ZSCAN25: variants seen among roughly 807,000 people sequenced by gnomAD.
ZSCAN25 encodes zinc finger and SCAN domain containing 25, also known as zinc finger and SCAN domain-containing protein 25.
Under a neutral mutation model 38.7 loss-of-function variants are expected in ZSCAN25, and 27 were observed. The observed-to-expected ratio is 0.70, with a 90% CI of 0.51 to 0.96. ZSCAN25 has a LOEUF of 0.96. Among genes scored for constraint, ZSCAN25 ranks in the 40% least tolerant of loss-of-function variants. ZSCAN25 has a pLI of 0.00. For synonymous variants in ZSCAN25, 273 were observed against 277.7 expected (o/e 0.98, Z 0.17); for missense variants, 637 against 705.9 (o/e 0.90, Z 1.11).
Position 99,619,113 on chromosome 7 carries a change from A to G in ZSCAN25, c.-66A>G, listed in dbSNP as rs906433908. ...TTTGACTTTTTCTGTCTGCTGTACC[A>G]GCATATGAGTTTCAGGAGGGTAAGC... On this transcript the variant is annotated 5_prime_UTR_variant, in exon 3 of 8. Transcript: ENST00000394152. 1 of 153,010 alleles carries G rather than the reference A, an allele frequency of 6.5e-6. No individual in the cohort carries two copies. The highest frequency in any genetic ancestry group is 2.4e-5 in the African/African-American group (1 of 41,436). The allele number at this position is 153,010 out of a possible 1,614,324, so 9.5% of individuals were successfully genotyped here.
At chr7:99,722,255 T>C in the ZSCAN25 span, 5 of 1,612,422 alleles carry the variant, frequency 3.1e-6, no homozygotes, top group East Asian at 1.1e-4. Flanking sequence ...AAACTCATCA[T>C]AGAAACAAGT....
chr7:99,624,143 G>C lies in ZSCAN25; in HGVS notation c.768G>C (p.Gly256=). 1 of 1,613,990 alleles carries C rather than the reference G, an allele frequency of 6.2e-7. No homozygotes were observed. Among genetic ancestry groups the C allele is most frequent in the Non-Finnish European group, 8.5e-7 (1 of 1,179,970 alleles). ...HVTPAQIDCF[G]EYVEPQDCRV... ...CCCCAGCCCAGATAGACTGCTTTGG[G>C]GAGTATGTGGAACCGCAGGACTGCA... is the stretch of plus-strand genomic sequence containing the variant. Residue 256 remains glycine (G), a synonymous_variant, in exon 7 of 8, where the codon GGG becomes GGC. Transcript: ENST00000394152.
the ZSCAN25 span, among the ~76,000 whole-genome samples, chr7:99,688,003 A>C: frequency 6.6e-6 from 1 of 152,162 alleles, no homozygotes; most frequent in Non-Finnish European, 1.5e-5. Flanking sequence ...GCCTGCCCTA[A>C]AAGAGCTCCT....
At position 99,617,842 on chromosome 7, in the gene ZSCAN25, C is replaced by T. The variant is rs183571749; in HGVS notation, c.-258-683C>T. 1.9e-3 allele frequency among the ~76,000 whole-genome samples: 295 copies of T among 152,316 alleles called. 1 individual carries two copies. The highest frequency in any genetic ancestry group is 3.5e-3 in the Non-Finnish European group (235 of 68,014). On this transcript the variant is annotated intron_variant, in intron 1 of 7. Transcript: ENST00000394152. Reference sequence around the variant, plus strand: ...GCAGAGATAAAAGATGAATGAGGATCTTTCTTGCCTCCAGGGAATCTGTTA... The same window carrying T: ...GCAGAGATAAAAGATGAATGAGGATTTTTCTTGCCTCCAGGGAATCTGTTA...
the ZSCAN25 span, among the ~76,000 whole-genome samples, chr7:99,734,603 ATCTTTTTTTT>A: frequency 4.0e-5 from 6 of 151,150 alleles, no homozygotes; most frequent in Non-Finnish European, 7.4e-5. Context: ...CTCCTTGAAA[ATCTTTTTTTT>A]TCTTTTTTTT....
the ZSCAN25 span, chr7:99,660,802 C>T: frequency 9.3e-6 from 9 of 970,572 alleles, no homozygotes; most frequent in Non-Finnish European, 1.4e-5. Context: ...GGTTTTCATT[C>T]TGATATGTAT....
the ZSCAN25 span, among the ~76,000 whole-genome samples, chr7:99,661,689 G>A: frequency 6.6e-6 from 1 of 152,218 alleles, no homozygotes; most frequent in Admixed American, 6.5e-5. Flanking sequence ...ATGAGTGTGA[G>A]AAAGGTCTAC....
the ZSCAN25 span, chr7:99,672,899 C>A: frequency 7.4e-7 from 1 of 1,350,542 alleles, no homozygotes; most frequent in South Asian, 1.9e-5. Flanking sequence ...TAATGTGGTC[C>A]AAACAGGGAA....
the ZSCAN25 span, among the ~76,000 whole-genome samples, chr7:99,696,552 T>C: frequency 6.6e-6 from 1 of 152,204 alleles, no homozygotes; most frequent in Admixed American, 6.5e-5. Context: ...CCAGATGATC[T>C]GGTTGATTTG....
In ZSCAN25 at chr7:99,629,495, C is replaced by T. The variant is rs367863945; in HGVS notation, c.1110C>T (p.His370=). 5.0e-5 allele frequency: 80 copies of T among 1,614,072 alleles called. No homozygotes were observed. Among genetic ancestry groups the T allele is most frequent in the Admixed American group, 2.2e-4 (13 of 60,006 alleles). The change falls in exon 8 of 8, where the codon CAC becomes CAT. Residue 370 remains histidine (H), a synonymous_variant. Transcript: ENST00000394152. This position sits in a 1 kb window ranked among gnomAD's most constrained non-coding sequence, Gnocchi z 5.6. ...ATCTCGTCAGGCACCAGCGAACCCA[C>T]GAAGAGAAGTCTTATGGCTGTGTGG... ...SSNLVRHQRT[H]EEKSYGCVEC...
rs866138940 is a variant in ZSCAN25, at chr7:99,621,605, G to A, written c.589+31G>A. ...TAAGACGCAGATAGTGGGGATGTCA[G>A]GTCATAGGAAACAGTGCTGTGCAGC... is the stretch of plus-strand genomic sequence containing the variant. On this transcript the variant is annotated intron_variant, in intron 5 of 7. Transcript: ENST00000394152. 1.0e-5 allele frequency: 14 copies of A among 1,340,432 alleles called. No individual in the cohort carries two copies. In the African/African-American group the frequency reaches 1.5e-4, roughly 14 times the overall value. 83.0% of individuals were successfully genotyped at this position (1,340,432 alleles called of 1,614,324 possible).
chr7:99,669,242 C>T, the ZSCAN25 span, among the ~76,000 whole-genome samples: 4 of 152,120 alleles, frequency 2.6e-5, no homozygotes, highest in African/African-American at 9.7e-5. Context: ...GAATTTGTGC[C>T]AGTTTTCAAA....
chr7:99,679,712 C>T, the ZSCAN25 span: 4 of 965,196 alleles, frequency 4.1e-6, no homozygotes, highest in Non-Finnish European at 6.6e-6. Context: ...TCCAACACTT[C>T]AGCTACTTCT....
At chr7:99,710,022 T>G in the ZSCAN25 span, among the ~76,000 whole-genome samples, 1 of 152,134 alleles carries the variant, frequency 6.6e-6, no homozygotes, top group Non-Finnish European at 1.5e-5. Flanking sequence ...TGTCCTCACT[T>G]GCTGAAACAG....
chr7:99,713,359 G>C, the ZSCAN25 span: 1 of 1,514,988 alleles, frequency 6.6e-7, no homozygotes, highest in Non-Finnish European at 9.1e-7. Context: ...GTGTCATTCT[G>C]CTATGTGGCA....
the ZSCAN25 span, among the ~76,000 whole-genome samples, chr7:99,721,602 G>A: frequency 6.6e-6 from 1 of 152,192 alleles, no homozygotes. Flanking sequence ...TTGGAGAAAA[G>A]TGGTAACCAC....
intron 1 of ZSCAN25, chr7:99,618,212 A>G (rs765397985): frequency 6.6e-6 from 1 of 152,218 alleles, no homozygotes; most frequent in Non-Finnish European, 1.5e-5. Flanking sequence ...ACTTGGAGGT[A>G]AATAGGACTC....
intron 6 of ZSCAN25, among the ~76,000 whole-genome samples, chr7:99,623,305 G>T (rs1177006028): frequency 2.6e-5 from 4 of 152,236 alleles, no homozygotes; most frequent in Non-Finnish European, 4.4e-5. Context: ...GAAGCATTGA[G>T]CAGGGTGGTC....
At chr7:99,736,199 G>A in the ZSCAN25 span, among the ~76,000 whole-genome samples, 1 of 152,170 alleles carries the variant, frequency 6.6e-6, no homozygotes, top group Non-Finnish European at 1.5e-5. Context: ...AATACTGCAT[G>A]TCTGGAAACA....
Sources: gnomAD v4.1 joint callset for allele counts (sites outside exome capture counted in the v4.1 genomes callset) on GRCh38, gnomAD v4.1.1 for gene constraint, Gnocchi (gnomAD v3.1) non-coding constraint, MANE v1.5 for transcripts, NCBI Gene and HGNC (gene_info 2026-07-23, HGNC 2026-07-21) for gene names.